LRRC42: variants seen among roughly 807,000 people sequenced by gnomAD.
LRRC42 encodes leucine rich repeat containing 42.
In LRRC42, 43 loss-of-function variants were observed where a neutral mutation model predicts 44.3. The observed-to-expected ratio is 0.97, with a 90% CI of 0.76 to 1.25. The LOEUF (loss-of-function observed/expected upper bound fraction) is 1.25, where lower values mean the gene tolerates loss of function less well. Among genes scored for constraint, LRRC42 ranks in the 50% most tolerant of loss-of-function variants. The pLI is 0.00. For missense variants in LRRC42, 540 were observed against 509.1 expected (o/e 1.06, Z -0.58); for synonymous variants, 207 against 195.2 (o/e 1.06, Z -0.50).
At chr1:53,958,053 T>A in intron 3 of LRRC42, 96 bp from the exon 4 acceptor site, 1 of 1,511,380 alleles carries the variant, frequency 6.6e-7, no homozygotes, top group Non-Finnish European at 9.0e-7. Flanking sequence ...TGTGTCCTGA[T>A]GGGATGGTAG....
intron 2 of LRRC42, 135 bp from the exon 3 acceptor site, chr1:53,951,851 G>A (rs1418187437): frequency 2.9e-6 from 2 of 684,722 alleles, no homozygotes; most frequent in East Asian, 5.5e-5. Flanking sequence ...CAGGCAACTG[G>A]TGAGTTTTGC....
intron 3 of LRRC42, among the ~76,000 whole-genome samples, chr1:53,956,807 A>C (rs1654853841): frequency 6.6e-6 from 1 of 152,232 alleles, no homozygotes; most frequent in Non-Finnish European, 1.5e-5. Flanking sequence ...GAATTACTAA[A>C]AATCTTTTGG....
intron 5 of LRRC42, 122 bp downstream of exon 5, chr1:53,960,596 A>C: frequency 2.8e-6 from 2 of 723,410 alleles, no homozygotes; most frequent in Non-Finnish European, 4.5e-6. Flanking sequence ...GGTGCCATAG[A>C]AACTTGGTGG....
intron 2 of LRRC42, 85 bp from the exon 3 acceptor site, chr1:53,951,901 T>TAAAGCCCTG (rs1654695255): frequency 1.8e-6 from 2 of 1,112,940 alleles, no homozygotes; most frequent in African/African-American, 3.1e-5. Context: ...GGTAGGCTCA[T>TAAAGCCCTG]AAAGCCCTGG....
At chr1:53,954,775 C>T (rs1380113816) in intron 3 of LRRC42, among the ~76,000 whole-genome samples, 1 of 152,164 alleles carries the variant, frequency 6.6e-6, no homozygotes, top group South Asian at 2.1e-4. Flanking sequence ...ATGAGAATAG[C>T]ACTTTTCATT....
In LRRC42 at chr1:53,950,757, A is replaced by T. The variant is rs564178166; in HGVS notation, c.-14-1229A>T. 8.1e-4 allele frequency among the ~76,000 whole-genome samples: 124 copies of T among 152,356 alleles called. 1 individual carries two copies. Among genetic ancestry groups the T allele is most frequent in the African/African-American group, 2.9e-3 (119 of 41,586 alleles). On this transcript the variant is annotated intron_variant, in intron 2 of 8. Transcript: ENST00000371370. ...TACTCAGGAGGAAAACAAGTATTCC[A>T]GTTAGTTCTTGGGCATATATTATTA...
intron 3 of LRRC42, among the ~76,000 whole-genome samples, chr1:53,954,374 A>G (rs147054816): frequency 2.6e-5 from 4 of 152,362 alleles, no homozygotes; most frequent in African/African-American, 9.6e-5. Flanking sequence ...CCTTGCCTAA[A>G]TGAAAAAGTC....
intron 7 of LRRC42, among the ~76,000 whole-genome samples, chr1:53,962,970 A>G (rs374545755): frequency 2.1e-4 from 32 of 152,112 alleles, no homozygotes; most frequent in African/African-American, 6.8e-4. Flanking sequence ...TACAGACTTA[A>G]GTGAGATTCA....
At chr1:53,966,173 T>C in intron 7 of LRRC42, 123 bp from the exon 8 acceptor site, 1 of 699,378 alleles carries the variant, frequency 1.4e-6, no homozygotes, top group Non-Finnish European at 2.5e-6. Context: ...TCACCAGTCA[T>C]CTGAAGTTAA....
intron 3 of LRRC42, among the ~76,000 whole-genome samples, chr1:53,956,241 G>A (rs1317536790): frequency 6.6e-6 from 1 of 152,214 alleles, no homozygotes; most frequent in Non-Finnish European, 1.5e-5. Context: ...AGAAGCAAGT[G>A]TCTTTGCAAC....
intron 7 of LRRC42, 83 bp from the exon 8 acceptor site, chr1:53,966,213 A>G: frequency 9.1e-7 from 1 of 1,100,948 alleles, no homozygotes; most frequent in Non-Finnish European, 1.4e-6. Flanking sequence ...GTTTATGGAG[A>G]GGGAAAAAGG....
At chr1:53,957,228 C>G (rs12092723) in intron 3 of LRRC42, among the ~76,000 whole-genome samples, 11,519 of 152,278 alleles carry the variant, frequency 0.076, 800 homozygotes, top group African/African-American at 0.19. Context: ...GATCCTAACA[C>G]ACCATCTTGC....
At chr1:53,949,413 G>T (rs1030722445) in intron 2 of LRRC42, among the ~76,000 whole-genome samples, 3 of 152,192 alleles carry the variant, frequency 2.0e-5, no homozygotes, top group African/African-American at 7.2e-5. Flanking sequence ...CTATAATAGG[G>T]TATGTTCCAT....
At position 53,956,956 on chromosome 1, in the gene LRRC42, T is replaced by C. The variant is rs542205422; in HGVS notation, c.474-1193T>C. ...ACAATGCAATTAAAATACATCTGAG[T>C]AAATAAGGCTCTTTTGTGTACCCAG... is the stretch of plus-strand genomic sequence containing the variant. On this transcript the variant is annotated intron_variant, in intron 3 of 8. Coordinates refer to ENST00000371370, the MANE Select transcript of LRRC42 (RefSeq NM_001256409.2). Among the ~76,000 whole-genome samples, 9 of 152,318 alleles carry C rather than the reference T, an allele frequency of 5.9e-5. No homozygotes were observed. In the South Asian group the frequency reaches 1.9e-3, roughly 32 times the overall value.
At chr1:53,955,606 T>C (rs907003170) in intron 3 of LRRC42, among the ~76,000 whole-genome samples, 4 of 147,438 alleles carry the variant, frequency 2.7e-5, no homozygotes, top group Non-Finnish European at 4.5e-5. Context: ...CCAGAAAATA[T>C]AGGAAACAAT....
Position 53,968,036 on chromosome 1 carries a change from G to C in LRRC42, c.*97G>C, listed in dbSNP as rs1655178383. 2 of 1,280,944 alleles carry C rather than the reference G, an allele frequency of 1.6e-6. No homozygotes were observed. The highest frequency in any genetic ancestry group is 1.1e-6 in the Non-Finnish European group (1 of 917,876). The allele number at this position is 1,280,944 out of a possible 1,614,324, so 79.3% of individuals were successfully genotyped here. On this transcript the variant is annotated 3_prime_UTR_variant, in exon 9 of 9. Transcript: ENST00000371370. ...TACTTTTTGTTTGAATTTACCTATGGCATTAGCATAGTAAGCAGATATTTC... is the reference window on the plus strand; with the variant it reads ...TACTTTTTGTTTGAATTTACCTATGCCATTAGCATAGTAAGCAGATATTTC...
chr1:53,966,221 A>AG, intron 7 of LRRC42, 75 bp from the exon 8 acceptor site: 2 of 1,194,218 alleles, frequency 1.7e-6, no homozygotes, highest in Non-Finnish European at 2.5e-6. Flanking sequence ...AGAGGGAAAA[A>AG]GGGGGAACAA....
intron 2 of LRRC42, among the ~76,000 whole-genome samples, chr1:53,948,964 A>C (rs894432665): frequency 1.3e-5 from 2 of 152,212 alleles, no homozygotes; most frequent in Non-Finnish European, 2.9e-5. Flanking sequence ...CAGGATTCCC[A>C]AACCAAAGTC....
At chr1:53,952,560 T>C (rs1242505660) in intron 3 of LRRC42, 88 bp downstream of exon 3, 13 of 1,060,054 alleles carry the variant, frequency 1.2e-5, no homozygotes, top group Non-Finnish European at 1.7e-5. Context: ...GGGGCTTCCC[T>C]CATCAAATAG....
Sources: allele counts gnomAD v4.1 joint callset (sites outside exome capture counted in the v4.1 genomes callset), GRCh38; gene constraint gnomAD v4.1.1; transcripts MANE v1.5; gene names NCBI Gene and HGNC (gene_info 2026-07-23, HGNC 2026-07-21).